BMP15: variants seen among roughly 807,000 people sequenced by gnomAD.
BMP15 encodes growth/differentiation factor 9B.
A neutral mutation model predicts 4.4 loss-of-function variants in BMP15; 5 were observed. The ratio of observed to expected loss-of-function variants is 1.13; its 90% CI spans 0.59 to 2.38. The LOEUF (loss-of-function observed/expected upper bound fraction) is 2.38, where lower values mean the gene tolerates loss of function less well. Ranked by LOEUF, BMP15 falls within the 30% of genes most tolerant of loss-of-function variation. BMP15 has a pLI of 0.01. For missense variants in BMP15, 339 were observed against 309.8 expected (o/e 1.09, Z -0.71); for synonymous variants, 125 against 114.6 (o/e 1.09, Z -0.58).
intron 1 of BMP15, among the ~76,000 whole-genome samples, chrX:50,914,622 C>A (rs1923088519): frequency 8.9e-6 from 1 of 111,734 alleles, no homozygotes; most frequent in Non-Finnish European, 1.9e-5. Context: ...AAAAGAACTT[C>A]TGTGTTAAAA....
chrX:50,914,807 G>T (rs782442165), intron 1 of BMP15, among the ~76,000 whole-genome samples: 5 of 111,553 alleles, frequency 4.5e-5, no homozygotes, highest in Admixed American at 2.9e-4. Context: ...TCGCCGGGAG[G>T]GGGTGCAGAA....
chrX:50,914,863 G>C (rs1323871687), intron 1 of BMP15, among the ~76,000 whole-genome samples: 1 of 111,650 alleles, frequency 9.0e-6, no homozygotes, highest in Admixed American at 9.5e-5. Context: ...TGGCCGTTGA[G>C]TGTCAGCACT....
At chrX:50,913,425 C>T (rs1277342209) in intron 1 of BMP15, among the ~76,000 whole-genome samples, 1 of 110,704 alleles carries the variant, frequency 9.0e-6, no homozygotes, top group African/African-American at 3.3e-5. Flanking sequence ...TGTGCCACTG[C>T]ACTCCAGCCT....
At chrX:50,912,549 G>C (rs1476633790) in intron 1 of BMP15, among the ~76,000 whole-genome samples, 1 of 111,873 alleles carries the variant, frequency 8.9e-6, no homozygotes, top group African/African-American at 3.3e-5. Context: ...CTGTTGGAAG[G>C]CCTCATGGAG....
Position 50,911,107 on chromosome X carries a change from CAG to C in BMP15, c.327_328del (p.Gly110TyrfsTer22), listed in dbSNP as rs1557279950. On this transcript the variant is annotated frameshift_variant and splice_region_variant, in exon 1 of 2. Transcript: ENST00000252677. LOFTEE classifies it low-confidence loss of function (END_TRUNC). ...CCTTGACCAATGTGGCAAGGCCTCA[CAG>C]AGGTGAGTTGTTATGCCCCCATACT... is the stretch of plus-strand genomic sequence containing the variant. Reference protein sequence around the residue: ...KPLTNVARPHRGTWHIQILGF... With the variant: ...KPLTNVARPHXGTWHIQILGF... 8.5e-7 allele frequency: 1 copy of C among 1,176,957 alleles called. No homozygotes were observed. The highest frequency in any genetic ancestry group is 2.4e-5 in the Admixed American group (1 of 41,107).
Position 50,911,109 on chromosome X carries a change from G to T in BMP15, c.326G>T (p.Arg109Ile). ...TTGACCAATGTGGCAAGGCCTCACA[G>T]AGGTGAGTTGTTATGCCCCCATACT... Reference protein sequence around the residue: ...KPLTNVARPHRGTWHIQILGF... With the variant: ...KPLTNVARPHIGTWHIQILGF... Residue 109 changes from arginine to isoleucine, a missense_variant and splice_region_variant, in exon 1 of 2, where the codon AGA (arginine) becomes ATA (isoleucine). By Grantham distance (97) the Arg-to-Ile change is moderately conservative (BLOSUM62 -3). Coordinates refer to ENST00000252677, the MANE Select transcript of BMP15 (RefSeq NM_005448.2). 8.5e-7 allele frequency: 1 copy of T among 1,177,091 alleles called. No individual in the cohort carries two copies. Among genetic ancestry groups the T allele is most frequent in the East Asian group, 3.2e-5 (1 of 31,644 alleles).
chrX:50,910,742 G>T lies in BMP15; in HGVS notation c.-42G>T. ...GAAATGGTCAGAGTGACGTCCCTTG[G>T]GCTTGTGTTGGGGCCTGTTGTTGAA... is the stretch of plus-strand genomic sequence containing the variant. On this transcript the variant is annotated 5_prime_UTR_variant, in exon 1 of 2. Coordinates refer to ENST00000252677, the MANE Select transcript of BMP15 (RefSeq NM_005448.2). 2 of 1,125,273 alleles carry T rather than the reference G, an allele frequency of 1.8e-6. No individual in the cohort carries two copies. Among genetic ancestry groups the T allele is most frequent in the African/African-American group, 1.8e-5 (1 of 55,947 alleles). The allele number at this position is 1,125,273 out of a possible 1,213,427, so 92.7% of individuals were successfully genotyped here.
chrX:50,911,181 T>C, intron 1 of BMP15, 70 bp downstream of exon 1: 2 of 1,096,923 alleles, frequency 1.8e-6, no homozygotes, highest in Non-Finnish European at 2.5e-6. Flanking sequence ...AAAAGGGAAT[T>C]GGTGGGTTTA....
chrX:50,912,551 C>G (rs782732227), intron 1 of BMP15, among the ~76,000 whole-genome samples: 1 of 111,536 alleles, frequency 9.0e-6, no homozygotes, highest in Non-Finnish European at 1.9e-5. Flanking sequence ...GTTGGAAGGC[C>G]TCATGGAGGA....
rs1415491879 is a variant in BMP15 at position 50,911,272 on chromosome X, C to T, written c.328+161C>T. Among the ~76,000 whole-genome samples the T allele has an allele frequency of 3.5e-5, 4 of 113,116 alleles. No homozygotes were observed. The East Asian group carries it at 8.4e-4, about 24-fold the overall frequency. On this transcript the variant is annotated intron_variant, in intron 1 of 1. Coordinates refer to ENST00000252677, the MANE Select transcript of BMP15 (RefSeq NM_005448.2). ...GGATGGCAAGCTTTGGAGAAGCCAG[C>T]GCCAAGCCTACTTCCCTTTAGGGCA...
At chrX:50,912,016 A>G (rs3897937) in intron 1 of BMP15, among the ~76,000 whole-genome samples, 41,147 of 110,206 alleles carry the variant, frequency 0.37, 6,864 homozygotes, top group African/African-American at 0.65. Flanking sequence ...ATCAATCTGT[A>G]GCCTTCACTA....
In BMP15 at chrX:50,910,925, C is replaced by T. The variant is rs1557279900; in HGVS notation, c.142C>T (p.Leu48=). The T allele has an allele frequency of 1.4e-5, 17 of 1,197,503 alleles. No homozygotes were observed. The highest frequency in any genetic ancestry group is 1.9e-5 in the Non-Finnish European group (17 of 887,864). Residue 48 remains leucine (L), a synonymous_variant, in exon 1 of 2, where the codon CTG becomes TTG. Coordinates refer to ENST00000252677, the MANE Select transcript of BMP15 (RefSeq NM_005448.2). ...CCCTACTTTGCCCCTGATTGAGGAG[C>T]TGCTAGAAGAATCCCCTGGCGAACA... is the stretch of plus-strand genomic sequence containing the variant. ...EAPTLPLIEE[L]LEESPGEQPR...
chrX:50,914,542 G>T lies in BMP15; in HGVS notation c.329-1215G>T, dbSNP rs183710658. Among the ~76,000 whole-genome samples the T allele has an allele frequency of 9.8e-5, 11 of 111,702 alleles. No individual in the cohort carries two copies. In the East Asian group the frequency reaches 2.8e-3, roughly 29 times the overall value. ...GTCAAGGCTGTAGTGAGCCATGATT[G>T]TGCCACTGTACTCCAGCCTGGGTGA... On this transcript the variant is annotated intron_variant, in intron 1 of 1. Transcript: ENST00000252677.
chrX:50,914,331 T>A (rs1557280194), intron 1 of BMP15, among the ~76,000 whole-genome samples: 1 of 111,699 alleles, frequency 9.0e-6, no homozygotes, highest in Non-Finnish European at 1.9e-5. Flanking sequence ...GGGCGGCTAA[T>A]CCCTGCACTT....
intron 1 of BMP15, among the ~76,000 whole-genome samples, chrX:50,914,583 G>GA (rs1250902585): frequency 2.7e-5 from 3 of 110,250 alleles, no homozygotes; most frequent in East Asian, 2.9e-4. Flanking sequence ...GGAGACTCTG[G>GA]AAAAAAAAAT....
Position 50,916,272 on chromosome X carries a change from A to G in BMP15, c.844A>G (p.Lys282Glu), listed in dbSNP as rs1329023288. The G allele has an allele frequency of 2.5e-6, 3 of 1,206,740 alleles. No individual in the cohort carries two copies. The African/African-American group carries it at 5.3e-5, about 21-fold the overall frequency. Residue 282 changes from lysine (K) to glutamate (E), a missense_variant, in exon 2 of 2, where the codon AAA becomes GAA. Physicochemically the swap from Lys to Glu is moderately conservative, Grantham distance 56. Coordinates refer to ENST00000252677, the MANE Select transcript of BMP15 (RefSeq NM_005448.2). ...ISAEVTASSS[K>E]HSGPENNQCS... is the part of the protein sequence containing the mutation. ...AGCTGAGGTTACTGCCTCTTCCTCA[A>G]AACATAGCGGGCCTGAAAATAACCA...
At chrX:50,913,263 C>T (rs1340706637) in intron 1 of BMP15, among the ~76,000 whole-genome samples, 1 of 110,775 alleles carries the variant, frequency 9.0e-6, no homozygotes, top group Non-Finnish European at 1.9e-5. Context: ...CATGTCTCTA[C>T]AAAAAATAAA....
In BMP15 at chrX:50,913,315, G is replaced by A. The variant is rs1347597590; in HGVS notation, c.328+2204G>A. Among the ~76,000 whole-genome samples the A allele has an allele frequency of 3.6e-5, 4 of 111,013 alleles. No homozygotes were observed. In the Admixed American group the frequency reaches 3.8e-4, roughly 11 times the overall value. The stretch of plus-strand genomic sequence containing the variant: ...GTAGTGGTGCACACCTGTGGTCCCA[G>A]CTACTCACGAGGCTGAGACCAGAGG... On this transcript the variant is annotated intron_variant, in intron 1 of 1. Coordinates refer to ENST00000252677, the MANE Select transcript of BMP15 (RefSeq NM_005448.2).
rs782483160 is a variant in BMP15, at chrX:50,915,853, A to T, written c.425A>T (p.Gln142Leu). 8.3e-7 allele frequency: 1 copy of T among 1,209,509 alleles called. No homozygotes were observed. Among genetic ancestry groups the T allele is most frequent in the South Asian group, 1.8e-5 (1 of 56,718 alleles). ...ACTGTGGTTTACCGCCATCATCTCC[A>T]ACTAACTCGCTTCAATCTCTCCTGC... ...RATVVYRHHL[Q>L]LTRFNLSCHV... Residue 142 changes from glutamine (Q) to leucine (L), a missense_variant, in exon 2 of 2, where the codon CAA (glutamine) becomes CTA (leucine). Transcript: ENST00000252677.
Sources: allele counts gnomAD v4.1 joint callset (sites outside exome capture counted in the v4.1 genomes callset), GRCh38; gene constraint gnomAD v4.1.1; transcripts MANE v1.5; gene names NCBI Gene and HGNC (gene_info 2026-07-23, HGNC 2026-07-21).